VIT: variants seen among roughly 807,000 people sequenced by gnomAD.
VIT encodes vitrin.
Under a neutral mutation model 78.0 loss-of-function variants are expected in VIT, and 99 were observed. That is an observed-to-expected ratio of 1.27 (90% CI 1.08 to 1.50). The LOEUF (loss-of-function observed/expected upper bound fraction) is 1.50. Among genes scored for constraint, VIT ranks in the 40% most tolerant of loss-of-function variants. The probability of loss-of-function intolerance (pLI) is 0.00; values close to 1 mark genes in which losing one functional copy is unlikely to be tolerated. For missense variants in VIT, 1,126 were observed against 875.3 expected, an observed-to-expected ratio of 1.29 and a Z score of -3.61; for synonymous variants, 374 against 334.3, an observed-to-expected ratio of 1.12 and a Z score of -1.29.
chr2:36,708,123 C>A (rs1297155859), intron 1 of VIT, among the ~76,000 whole-genome samples: 3 of 151,704 alleles, frequency 2.0e-5, no homozygotes, highest in Admixed American at 6.6e-5. Flanking sequence ...CCCCCCCGCC[C>A]ACCTAGTGCC....
In VIT at chr2:36,770,646, G is replaced by C. The variant is rs1264814658; in HGVS notation, c.680-3145G>C. 2.0e-5 allele frequency among the ~76,000 whole-genome samples: 3 copies of C among 152,208 alleles called. No homozygotes were observed. The East Asian group carries it at 5.8e-4, about 29-fold the overall frequency. On this transcript the variant is annotated intron_variant, in intron 7 of 15. Transcript: ENST00000379242. ...AAGGCCAAGGACAATGGCATCAGAGGGGGAAGCCGGGAGAGCCAGATCTAT... is the reference window on the plus strand; with the variant it reads ...AAGGCCAAGGACAATGGCATCAGAGCGGGAAGCCGGGAGAGCCAGATCTAT...
chr2:36,701,373 G>T (rs549589697), intron 1 of VIT, among the ~76,000 whole-genome samples: 17 of 152,108 alleles, frequency 1.1e-4, no homozygotes, highest in Non-Finnish European at 2.4e-4. Context: ...TTCACTGGAA[G>T]GTTAACTCAG....
Position 36,757,302 on chromosome 2 carries a change from G to T in VIT, c.410-1667G>T, listed in dbSNP as rs191535628. The stretch of plus-strand genomic sequence containing the variant: ...ACTAATTCACTTTGGTGAGCTAAGA[G>T]GGGGAGCAAAAGAGGAGATGTACGT... On this transcript the variant is annotated intron_variant, in intron 5 of 15. Coordinates refer to ENST00000379242, the MANE Select transcript of VIT (RefSeq NM_053276.4). Among the ~76,000 whole-genome samples, 374 of 152,316 alleles carry T rather than the reference G, an allele frequency of 2.5e-3. 1 individual carries two copies. Among genetic ancestry groups the T allele is most frequent in the Non-Finnish European group, 3.4e-3 (232 of 68,020 alleles).
At chr2:36,803,507 T>C (rs1278687667) in intron 13 of VIT, among the ~76,000 whole-genome samples, 1 of 152,170 alleles carries the variant, frequency 6.6e-6, no homozygotes, top group Non-Finnish European at 1.5e-5. Context: ...CTCTGCCCTA[T>C]AGGTGCCTAA....
chr2:36,751,519 G>C (rs1302187745), intron 4 of VIT, among the ~76,000 whole-genome samples: 1 of 152,220 alleles, frequency 6.6e-6, no homozygotes, highest in African/African-American at 2.4e-5. Flanking sequence ...GCACTGCTTA[G>C]CGTACAAAGT....
intron 11 of VIT, among the ~76,000 whole-genome samples, chr2:36,786,564 C>A (rs1329910814): frequency 6.6e-6 from 1 of 152,208 alleles, no homozygotes; most frequent in South Asian, 2.1e-4. Context: ...TAGCTACGAA[C>A]AAGGGCTGAC....
At chr2:36,726,475 T>C (rs1029177663) in intron 2 of VIT, among the ~76,000 whole-genome samples, 3 of 152,366 alleles carry the variant, frequency 2.0e-5, no homozygotes, top group Non-Finnish European at 2.9e-5. Flanking sequence ...GTTTACGTTT[T>C]TCTACAAAGA....
At chr2:36,797,469 GGA>G (rs1348663589) in intron 12 of VIT, among the ~76,000 whole-genome samples, 2 of 152,184 alleles carry the variant, frequency 1.3e-5, no homozygotes, top group East Asian at 3.9e-4. Flanking sequence ...TATTTGATGA[GGA>G]GAGTGTCAGG....
rs565555259 is a variant in VIT, at chr2:36,760,667, C to T, written c.487+1621C>T. On this transcript the variant is annotated intron_variant, in intron 6 of 15. Transcript: ENST00000379242. ...TGCAGAGCCAGAGGAAAGACTGATTCCTGGGTAGGTGATGTGTGTAGATAT... is the reference window on the plus strand; with the variant it reads ...TGCAGAGCCAGAGGAAAGACTGATTTCTGGGTAGGTGATGTGTGTAGATAT... Among the ~76,000 whole-genome samples the T allele has an allele frequency of 1.2e-4, 18 of 152,258 alleles. No individual in the cohort carries two copies. In the South Asian group the frequency reaches 3.7e-3, roughly 32 times the overall value.
In VIT at chr2:36,742,560, A is replaced by G. The variant is rs547608318; in HGVS notation, c.119-540A>G. On this transcript the variant is annotated intron_variant, in intron 3 of 15. Coordinates refer to ENST00000379242, the MANE Select transcript of VIT (RefSeq NM_053276.4). ...TTGCCTTCCACATCCTACATAGAAC[A>G]CAAGCATGCAAGCCTTCTTAATTTG... Among the ~76,000 whole-genome samples the G allele has an allele frequency of 1.2e-4, 19 of 152,230 alleles. No individual in the cohort carries two copies. In the South Asian group the frequency reaches 4.0e-3, roughly 32 times the overall value.
At chr2:36,762,187 C>T (rs1669165182) in intron 6 of VIT, among the ~76,000 whole-genome samples, 1 of 152,184 alleles carries the variant, frequency 6.6e-6, no homozygotes, top group Non-Finnish European at 1.5e-5. Flanking sequence ...GTTCCAGATG[C>T]CTGAGTCATT....
intron 9 of VIT, 150 bp downstream of exon 9, chr2:36,775,217 C>T: frequency 2.3e-6 from 2 of 869,308 alleles, no homozygotes; most frequent in South Asian, 3.5e-5. Flanking sequence ...GATATTTTAA[C>T]CTCGAGAAAA....
chr2:36,703,001 ACT>A (rs755799009), intron 1 of VIT, among the ~76,000 whole-genome samples: 9 of 151,748 alleles, frequency 5.9e-5, no homozygotes, highest in Non-Finnish European at 1.3e-4. Context: ...CCCCAGGCTG[ACT>A]CTGTCACACA....
intron 15 of VIT, among the ~76,000 whole-genome samples, chr2:36,810,825 G>A: frequency 6.6e-6 from 1 of 151,930 alleles, no homozygotes; most frequent in Non-Finnish European, 1.5e-5. Context: ...GTAGAGACAG[G>A]GTTTCACCGC....
rs767262104 is a variant in VIT at position 36,783,407 on chromosome 2, G to A, written c.910+5G>A. ...CAGTATCCCTGGGAGATCCAAGTAA[G>A]TTAATTGACAACTAGAAACCCACGG... On this transcript the variant is annotated splice_donor_5th_base_variant and intron_variant, in intron 11 of 15. Coordinates refer to ENST00000379242, the MANE Select transcript of VIT (RefSeq NM_053276.4). The A allele has an allele frequency of 1.2e-6, 2 of 1,614,040 alleles. No individual in the cohort carries two copies. Among genetic ancestry groups the A allele is most frequent in the Admixed American group, 1.7e-5 (1 of 60,022 alleles).
At chr2:36,771,634 T>C (rs2148596331) in intron 7 of VIT, among the ~76,000 whole-genome samples, 1 of 152,124 alleles carries the variant, frequency 6.6e-6, no homozygotes, top group Non-Finnish European at 1.5e-5. Context: ...GCAACTCTCA[T>C]TGGAAATCGA....
At position 36,787,125 on chromosome 2, in the gene VIT, G is replaced by A. The variant is rs370639190; in HGVS notation, c.911-4G>A. 9.4e-5 allele frequency: 151 copies of A among 1,613,838 alleles called. No homozygotes were observed. The African/African-American group carries it at 1.4e-3, about 15-fold the overall frequency. On this transcript the variant is annotated splice_region_variant and splice_polypyrimidine_tract_variant and intron_variant, in intron 11 of 15. Coordinates refer to ENST00000379242, the MANE Select transcript of VIT (RefSeq NM_053276.4). ...GAATAATAGAGTCTTTTTCCGTTCC[G>A]CAGACTGCAAAATTGACTTGTCGTT...
chr2:36,780,865 A>AG, intron 9 of VIT, among the ~76,000 whole-genome samples: 1 of 152,112 alleles, frequency 6.6e-6, no homozygotes, highest in East Asian at 1.9e-4. Context: ...AAGGAGGGAG[A>AG]GGGGCAGAAA....
chr2:36,768,846 G>C (rs919949767), intron 7 of VIT, among the ~76,000 whole-genome samples: 3 of 152,026 alleles, frequency 2.0e-5, no homozygotes, highest in African/African-American at 7.3e-5. Flanking sequence ...CATTTACCAG[G>C]TATACTGCAT....
Sources: gnomAD v4.1 joint callset for allele counts (sites outside exome capture counted in the v4.1 genomes callset) on GRCh38, gnomAD v4.1.1 for gene constraint, MANE v1.5 for transcripts, NCBI Gene and HGNC (gene_info 2026-07-23, HGNC 2026-07-21) for gene names.